The following TRPC4 variants were observed in gnomAD, a reference collection of about 807,000 sequenced individuals.
The protein encoded by TRPC4 is short transient receptor potential channel 4.
A neutral mutation model predicts 99.4 loss-of-function variants in TRPC4; 49 were observed. That is an observed-to-expected ratio of 0.49 (90% CI 0.39 to 0.63). The LOEUF is 0.63. TRPC4 is among the 20% of genes least tolerant of loss of function. The probability of loss-of-function intolerance (pLI) is 0.00; values close to 1 mark genes in which losing one functional copy is unlikely to be tolerated. For missense variants in TRPC4, 898 were observed against 1,152.9 expected, an observed-to-expected ratio of 0.78 and a Z score of 3.20; for synonymous variants, 454 against 425.9, an observed-to-expected ratio of 1.07 and a Z score of -0.81.
intron 1 of TRPC4, among the ~76,000 whole-genome samples, chr13:37,826,815 GC>G (rs1320968107): frequency 2.0e-5 from 3 of 152,044 alleles, no homozygotes; most frequent in African/African-American, 7.2e-5. Context: ...TCTGAATGTT[GC>G]CCTGCCTTGC....
At chr13:37,678,103 CT>C (rs1953119513) in intron 4 of TRPC4, among the ~76,000 whole-genome samples, 1 of 151,976 alleles carries the variant, frequency 6.6e-6, no homozygotes, top group African/African-American at 2.4e-5. Context: ...ACCAAAAACT[CT>C]TTGTGAGGCA....
At chr13:37,783,922 G>T (rs540589737) in intron 1 of TRPC4, among the ~76,000 whole-genome samples, 4 of 151,816 alleles carry the variant, frequency 2.6e-5, no homozygotes, top group Non-Finnish European at 4.4e-5. Context: ...TGCCCAGGCT[G>T]GTCTCGAACT....
intron 3 of TRPC4, among the ~76,000 whole-genome samples, chr13:37,711,046 T>G (rs1347452888): frequency 6.6e-6 from 1 of 152,034 alleles, no homozygotes; most frequent in African/African-American, 2.4e-5. Flanking sequence ...TCTACTGTTG[T>G]GAATATATTA....
Position 37,799,017 on chromosome 13 carries a change from T to C in TRPC4, c.-27-15657A>G, listed in dbSNP as rs1446915353. Among the ~76,000 whole-genome samples, 4 of 151,796 alleles carry C rather than the reference T, an allele frequency of 2.6e-5. No individual in the cohort carries two copies. The South Asian group carries it at 8.3e-4, about 32-fold the overall frequency. On this transcript the variant is annotated intron_variant, in intron 1 of 10. Transcript: ENST00000379705. ...CGTGATCTCCGCTCACTGCAACCTC[T>C]GCCTCCTGGGTTCACGCCATTCTCC...
At chr13:37,645,764 C>A (rs917248359) in intron 8 of TRPC4, among the ~76,000 whole-genome samples, 1 of 152,214 alleles carries the variant, frequency 6.6e-6, no homozygotes, top group African/African-American at 2.4e-5. Context: ...TTCATGAACA[C>A]ATTTTCTAAG....
chr13:37,784,820 AG>A (rs1386527280), intron 1 of TRPC4, among the ~76,000 whole-genome samples: 1 of 152,100 alleles, frequency 6.6e-6, no homozygotes, highest in African/African-American at 2.4e-5. Flanking sequence ...TTAATTATCA[AG>A]GAATTAATTT....
At chr13:37,857,287 C>G (rs914988521) in intron 1 of TRPC4, among the ~76,000 whole-genome samples, 1 of 151,300 alleles carries the variant, frequency 6.6e-6, no homozygotes, top group Non-Finnish European at 1.5e-5. Context: ...CAAAAATGGA[C>G]AGATATTTCA....
At chr13:37,773,344 G>C (rs1220259038) in intron 2 of TRPC4, among the ~76,000 whole-genome samples, 3 of 151,812 alleles carry the variant, frequency 2.0e-5, no homozygotes, top group Non-Finnish European at 4.4e-5. Context: ...ATCCATAACA[G>C]TTCAATATAC....
intron 3 of TRPC4, among the ~76,000 whole-genome samples, chr13:37,740,332 T>A (rs1167447775): frequency 7.1e-6 from 1 of 140,036 alleles, no homozygotes; most frequent in African/African-American, 3.3e-5. Flanking sequence ...GTGGTGTTTT[T>A]AATTTGTTTG....
intron 3 of TRPC4, among the ~76,000 whole-genome samples, chr13:37,737,757 G>A (rs143173868): frequency 6.6e-6 from 1 of 152,226 alleles, no homozygotes; most frequent in East Asian, 1.9e-4. Flanking sequence ...TTTCAAGAAG[G>A]AGCCACCACA....
chr13:37,727,716 CACTA>C (rs1955108512), intron 3 of TRPC4, among the ~76,000 whole-genome samples: 1 of 151,682 alleles, frequency 6.6e-6, no homozygotes, highest in Non-Finnish European at 1.5e-5. Flanking sequence ...GAAATGAAAA[CACTA>C]CTACTAATTC....
intron 4 of TRPC4, among the ~76,000 whole-genome samples, chr13:37,682,751 C>T (rs1056328749): frequency 5.3e-5 from 8 of 151,710 alleles, no homozygotes; most frequent in Non-Finnish European, 8.8e-5. Context: ...TTGTTTTTGT[C>T]GTTGTTGTTA....
chr13:37,849,323 G>C (rs1489605292), intron 1 of TRPC4, among the ~76,000 whole-genome samples: 1 of 152,154 alleles, frequency 6.6e-6, no homozygotes, highest in Non-Finnish European at 1.5e-5. Flanking sequence ...GATGAATCTA[G>C]GTGCTTGTGA....
Position 37,698,167 on chromosome 13 carries a change from C to CTTTTTTTTTTTTTTTTTT in TRPC4, c.898-5833_898-5832insAAAAAAAAAAAAAAAAAA, listed in dbSNP as rs67611413. ...TCTCAAGGTTACTCCAAGGACTAAC[C>CTTTTTTTTTTTTTTTTTT]TTTTTTTTTTTGAGTGGGAATCTCA... On this transcript the variant is annotated intron_variant, in intron 3 of 10. Transcript: ENST00000379705. Among the ~76,000 whole-genome samples the CTTTTTTTTTTTTTTTTTT allele has an allele frequency of 1.6e-3, 66 of 42,554 alleles. 25 individuals are homozygous for CTTTTTTTTTTTTTTTTTT. The highest frequency in any genetic ancestry group is 2.1e-3 in the Admixed American group (4 of 1,924). 27.9% of individuals were successfully genotyped at this position (42,554 alleles called of 152,430 possible). A position where few individuals can be genotyped will look rare whatever the true frequency, so the allele number is the denominator to read the frequency against.
At chr13:37,799,006 A>G (rs1957325349) in intron 1 of TRPC4, among the ~76,000 whole-genome samples, 1 of 149,796 alleles carries the variant, frequency 6.7e-6, no homozygotes, top group African/African-American at 2.5e-5. Flanking sequence ...ATCTCCGCTC[A>G]CTGCAACCTC....
intron 1 of TRPC4, among the ~76,000 whole-genome samples, chr13:37,845,283 GT>G (rs35312846): frequency 0.21 from 31,452 of 151,950 alleles, 3,363 homozygotes; most frequent in African/African-American, 0.25. Flanking sequence ...ACCAAAAGAA[GT>G]TAATAAAGCT....
At chr13:37,737,671 G>T (rs1955442952) in intron 3 of TRPC4, among the ~76,000 whole-genome samples, 1 of 151,796 alleles carries the variant, frequency 6.6e-6, no homozygotes, top group African/African-American at 2.4e-5. Flanking sequence ...ACAGAATTTT[G>T]CTATGTTGCC....
At chr13:37,781,724 TG>T (rs1956847432) in intron 2 of TRPC4, among the ~76,000 whole-genome samples, 1 of 152,056 alleles carries the variant, frequency 6.6e-6, no homozygotes, top group South Asian at 2.1e-4. Context: ...AGAAAAGTAT[TG>T]TTGCTGTGGA....
intron 3 of TRPC4, 39 bp downstream of exon 3, chr13:37,745,896 ACT>A: frequency 1.3e-6 from 2 of 1,568,094 alleles, no homozygotes; most frequent in Middle Eastern, 1.7e-4. Context: ...CTGTGATTAA[ACT>A]CTATGGCATT....
Sources: allele counts gnomAD v4.1 joint callset (sites outside exome capture counted in the v4.1 genomes callset), GRCh38; gene constraint gnomAD v4.1.1; transcripts MANE v1.5; gene names NCBI Gene and HGNC (gene_info 2026-07-23, HGNC 2026-07-21).